Variants in NUFIP1 observed in about 807,000 individuals in gnomAD.
NUFIP1 encodes the protein FMR1-interacting protein NUFIP1.
NUFIP1 carries 38 observed loss-of-function variants against 56.2 expected under a neutral mutation model. The observed-to-expected ratio is 0.68, with a 90% CI of 0.52 to 0.89. NUFIP1 has a LOEUF of 0.89. Among genes scored for constraint, NUFIP1 ranks in the 40% least tolerant of loss-of-function variants. The pLI is 0.00. For missense variants in NUFIP1, 567 were observed against 605.8 expected, an observed-to-expected ratio of 0.94 and a Z score of 0.67; for synonymous variants, 215 against 212.4, an observed-to-expected ratio of 1.01 and a Z score of -0.10.
At position 44,941,253 on chromosome 13, in the gene NUFIP1, C is replaced by CT; in HGVS notation, c.1440dup (p.Asp481ArgfsTer8). Reference sequence around the variant, plus strand: ...GAATTAGTATCCAGTCCAAAAAAGTCTTTTTTGATGATGTACCGAACACAC... The same window carrying CT: ...GAATTAGTATCCAGTCCAAAAAAGTCTTTTTTTGATGATGTACCGAACACAC... On this transcript the variant is annotated frameshift_variant, in exon 10 of 10. Transcript: ENST00000379161. LOFTEE classifies it high-confidence loss of function. 6.2e-7 allele frequency: 1 copy of CT among 1,611,970 alleles called. No individual in the cohort carries two copies. Among genetic ancestry groups the CT allele is most frequent in the Non-Finnish European group, 8.5e-7 (1 of 1,179,312 alleles).
chr13:44,956,718 G>A (rs1014104867), intron 7 of NUFIP1, among the ~76,000 whole-genome samples: 5 of 152,104 alleles, frequency 3.3e-5, no homozygotes, highest in African/African-American at 1.2e-4. Context: ...GACAGGAGGC[G>A]GAGCTCACAG....
chr13:44,989,449 T>A lies in NUFIP1; in HGVS notation c.-13A>T, dbSNP rs1593375434. The A allele has an allele frequency of 6.2e-7, 1 of 1,609,684 alleles. No homozygotes were observed. The highest frequency in any genetic ancestry group is 1.1e-5 in the South Asian group (1 of 90,630). ...TCGGCTCAGCCATACCACTGGCGGG[T>A]CCGGAGTCTAGCACGCGACTGTGGA... On this transcript the variant is annotated 5_prime_UTR_variant, in exon 1 of 10. Transcript: ENST00000379161.
At chr13:44,960,442 A>G (rs1425771876) in intron 6 of NUFIP1, among the ~76,000 whole-genome samples, 3 of 146,824 alleles carry the variant, frequency 2.0e-5, no homozygotes, top group African/African-American at 5.1e-5. Flanking sequence ...TAATTTTTGT[A>G]TTTTTGTAGA....
Position 44,941,188 on chromosome 13 carries a change from T to G in NUFIP1, c.*18A>C. On this transcript the variant is annotated 3_prime_UTR_variant, in exon 10 of 10. Transcript: ENST00000379161. ...CTGTTTCACATGCTTCAGTTATGTATGCTGAAACACCAGATGCCTATACAT... is the reference window on the plus strand; with the variant it reads ...CTGTTTCACATGCTTCAGTTATGTAGGCTGAAACACCAGATGCCTATACAT... 1 of 1,265,064 alleles carries G rather than the reference T, an allele frequency of 7.9e-7. No homozygotes were observed. The highest frequency in any genetic ancestry group is 1.1e-6 in the Non-Finnish European group (1 of 874,080). 78.4% of individuals were successfully genotyped at this position (1,265,064 alleles called of 1,614,324 possible).
At chr13:44,941,717 G>A (rs1870745085) in intron 9 of NUFIP1, among the ~76,000 whole-genome samples, 1 of 151,830 alleles carries the variant, frequency 6.6e-6, no homozygotes, top group South Asian at 2.1e-4. Flanking sequence ...GTTTCACCGT[G>A]TTAGCCAGGA....
intron 5 of NUFIP1, among the ~76,000 whole-genome samples, chr13:44,972,487 A>G (rs1593367155): frequency 6.6e-6 from 1 of 152,228 alleles, no homozygotes; most frequent in African/African-American, 2.4e-5. Flanking sequence ...AGTGGTTGCC[A>G]GTGGGTGGAG....
At chr13:44,954,886 ATAGT>A (rs1309195124) in intron 7 of NUFIP1, among the ~76,000 whole-genome samples, 1 of 152,208 alleles carries the variant, frequency 6.6e-6, no homozygotes, top group Non-Finnish European at 1.5e-5. Flanking sequence ...ACGTGAGTGC[ATAGT>A]TAGACTTACG....
chr13:44,981,579 G>A (rs1206984191), intron 2 of NUFIP1, among the ~76,000 whole-genome samples: 1 of 152,154 alleles, frequency 6.6e-6, no homozygotes, highest in Non-Finnish European at 1.5e-5. Flanking sequence ...GGGAGGCGGA[G>A]GTGGGCGGGT....
rs180728643 is a variant in NUFIP1, at chr13:44,947,534, C to T, written c.1138+2188G>A. Among the ~76,000 whole-genome samples, 100 of 152,130 alleles carry T rather than the reference C, an allele frequency of 6.6e-4. 1 individual carries two copies. The highest frequency in any genetic ancestry group is 2.0e-3 in the Admixed American group (30 of 15,280). ...GATTGCAGACATGAGCCACCGTGCC[C>T]GACCAAGCTTATCCTTTCTATGCTT... On this transcript the variant is annotated intron_variant, in intron 8 of 9. Coordinates refer to ENST00000379161, the MANE Select transcript of NUFIP1 (RefSeq NM_012345.3).
chr13:44,967,409 G>A (rs570449358), intron 5 of NUFIP1, among the ~76,000 whole-genome samples: 1 of 152,070 alleles, frequency 6.6e-6, no homozygotes, highest in Non-Finnish European at 1.5e-5. Flanking sequence ...TCAGGAGGCT[G>A]AGACAAGAGA....
At chr13:44,984,243 T>C (rs1872302039) in intron 1 of NUFIP1, among the ~76,000 whole-genome samples, 2 of 152,346 alleles carry the variant, frequency 1.3e-5, no homozygotes, top group Non-Finnish European at 2.9e-5. Flanking sequence ...AATCAGCTAT[T>C]ATATGCCTCT....
intron 6 of NUFIP1, among the ~76,000 whole-genome samples, chr13:44,960,116 G>A (rs1042230426): frequency 1.3e-5 from 2 of 151,872 alleles, no homozygotes; most frequent in African/African-American, 4.8e-5. Context: ...ATTTTTAGTA[G>A]AGTCAAGGTT....
rs762761230 is a variant in NUFIP1 at position 44,982,068 on chromosome 13, A to G, written c.495+4T>C. The G allele has an allele frequency of 6.8e-7, 1 of 1,473,552 alleles. No individual in the cohort carries two copies. Among genetic ancestry groups the G allele is most frequent in the Admixed American group, 2.3e-5 (1 of 43,362 alleles). 91.3% of individuals were successfully genotyped at this position (1,473,552 alleles called of 1,614,324 possible). On this transcript the variant is annotated splice_donor_region_variant and intron_variant, in intron 2 of 9. Transcript: ENST00000379161. ...GGTCAAATTCAAGAACATCTTTCAA[A>G]TACCTTTTTTTTCTGTTTTCTACTG...
At chr13:44,983,475 C>A (rs1003911070) in intron 1 of NUFIP1, among the ~76,000 whole-genome samples, 1 of 151,722 alleles carries the variant, frequency 6.6e-6, no homozygotes, top group South Asian at 2.1e-4. Flanking sequence ...CCGCACCCAG[C>A]CCCCCGTCTC....
chr13:44,989,404 A>C lies in NUFIP1; in HGVS notation c.33T>G (p.Pro11=), dbSNP rs1872577796. 2 of 1,613,670 alleles carry C rather than the reference A, an allele frequency of 1.2e-6. No individual in the cohort carries two copies. Among genetic ancestry groups the C allele is most frequent in the East Asian group, 4.5e-5 (2 of 44,844 alleles). The part of the protein sequence containing the change: MAEPTSDFET[P]IGWHASPELT... ...GCTCGGGAGACGCATGCCACCCGATAGGAGTCTCGAAATCACTAGTCGGCT... is the reference window on the plus strand; with the variant it reads ...GCTCGGGAGACGCATGCCACCCGATCGGAGTCTCGAAATCACTAGTCGGCT... The change falls in exon 1 of 10, where the codon CCT becomes CCG. Residue 11 remains proline, a synonymous_variant. Transcript: ENST00000379161.
At chr13:44,952,756 T>C (rs1485711116) in intron 7 of NUFIP1, among the ~76,000 whole-genome samples, 1 of 152,254 alleles carries the variant, frequency 6.6e-6, no homozygotes, top group East Asian at 1.9e-4. Context: ...GACTGTAATG[T>C]AATTTCACCA....
At position 44,947,440 on chromosome 13, in the gene NUFIP1, T is replaced by G. The variant is rs191469794; in HGVS notation, c.1138+2282A>C. On this transcript the variant is annotated intron_variant, in intron 8 of 9. Coordinates refer to ENST00000379161, the MANE Select transcript of NUFIP1 (RefSeq NM_012345.3). ...TTTTAGTAGAGATGGGGTTTCATCA[T>G]GTTGACCAGACTGGTCTTGAACTCC... Among the ~76,000 whole-genome samples the G allele has an allele frequency of 6.1e-4, 93 of 152,148 alleles. 1 individual carries two copies. In the East Asian group the frequency reaches 0.015, roughly 24 times the overall value.
chr13:44,989,117 C>A lies in NUFIP1; in HGVS notation c.320G>T (p.Gly107Val). The change falls in exon 1 of 10, where the codon GGC becomes GTC. Residue 107 changes from glycine (G) to valine (V), a missense_variant. Physicochemically the swap from Gly to Val is moderately radical, Grantham distance 109 (BLOSUM62 -3). Coordinates refer to ENST00000379161, the MANE Select transcript of NUFIP1 (RefSeq NM_012345.3). ...GGAAGCATGGAAATTCCAAGGCTGGCCGCTGGGTTGAGGCTGAGAATCAAG... is the reference window on the plus strand; with the variant it reads ...GGAAGCATGGAAATTCCAAGGCTGGACGCTGGGTTGAGGCTGAGAATCAAG... ...SPLDSQPQPS[G>V]QPWNFHASTS... 6.2e-7 allele frequency: 1 copy of A among 1,614,118 alleles called. No homozygotes were observed. The highest frequency in any genetic ancestry group is 8.5e-7 in the Non-Finnish European group (1 of 1,180,016).
chr13:44,956,559 A>C (rs940424275), intron 7 of NUFIP1, among the ~76,000 whole-genome samples: 1 of 152,224 alleles, frequency 6.6e-6, no homozygotes, highest in African/African-American at 2.4e-5. Context: ...TTTTCCTGCA[A>C]CTAGACAGTC....
Sources: gnomAD v4.1 joint callset for allele counts (sites outside exome capture counted in the v4.1 genomes callset) on GRCh38, gnomAD v4.1.1 for gene constraint, MANE v1.5 for transcripts, NCBI Gene and HGNC (gene_info 2026-07-23, HGNC 2026-07-21) for gene names.